Variants in PPP1R37 observed in about 807,000 individuals in gnomAD.
PPP1R37 encodes the protein protein phosphatase 1 regulatory subunit 37, also known as leucine rich repeat containing 68.
In PPP1R37, 21 loss-of-function variants were observed where a neutral mutation model predicts 61.0. The ratio of observed to expected loss-of-function variants is 0.34; its 90% CI spans 0.24 to 0.50. PPP1R37 has a LOEUF of 0.50. PPP1R37 is among the 20% of genes least tolerant of loss of function. The pLI is 0.98. For synonymous variants in PPP1R37, 443 were observed against 433.5 expected, an observed-to-expected ratio of 1.02 and a Z score of -0.27; for missense variants, 910 against 952.7, an observed-to-expected ratio of 0.96 and a Z score of 0.59.
At chr19:45,123,599 C>A (rs1968366983) in intron 1 of PPP1R37, among the ~76,000 whole-genome samples, 1 of 152,066 alleles carries the variant, frequency 6.6e-6, no homozygotes, top group African/African-American at 2.4e-5. Flanking sequence ...CCTCAGAAGA[C>A]CATTCCCTCT....
In PPP1R37 at chr19:45,121,022, G is replaced by GA. The variant is rs1309401782; in HGVS notation, c.203-17491dup. On this transcript the variant is annotated intron_variant, in intron 1 of 12. Transcript: ENST00000221462. This position sits in a 1 kb window ranked among gnomAD's most constrained non-coding sequence, Gnocchi z 4.2. ...TAAGCGTCCCCTGGAAAGTTGGGGAGATAATTTCTATTTCTCAGGGCCATT... is the reference window on the plus strand; with the variant it reads ...TAAGCGTCCCCTGGAAAGTTGGGGAGAATAATTTCTATTTCTCAGGGCCATT... Among the ~76,000 whole-genome samples, 5 of 152,180 alleles carry GA rather than the reference G, an allele frequency of 3.3e-5. No individual in the cohort carries two copies. The highest frequency in any genetic ancestry group is 1.2e-4 in the African/African-American group (5 of 41,440).
At chr19:45,131,042 CT>C (rs1968470274) in intron 1 of PPP1R37, among the ~76,000 whole-genome samples, 1 of 152,238 alleles carries the variant, frequency 6.6e-6, no homozygotes, top group Non-Finnish European at 1.5e-5. Context: ...TCACCGCCCC[CT>C]GATGCCCAAC....
intron 1 of PPP1R37, among the ~76,000 whole-genome samples, chr19:45,098,440 G>A (rs1255232190): frequency 6.6e-5 from 10 of 152,174 alleles, no homozygotes; most frequent in Non-Finnish European, 1.3e-4. Flanking sequence ...GCCACAGTCC[G>A]GGAGACTCAT....
At chr19:45,094,675 C>T (rs900305960) in intron 1 of PPP1R37, among the ~76,000 whole-genome samples, 7 of 151,176 alleles carry the variant, frequency 4.6e-5, no homozygotes, top group Non-Finnish European at 1.0e-4. Flanking sequence ...TTGCAGTGAG[C>T]TAAGATCACG....
At chr19:45,131,208 C>T (rs941360377) in intron 1 of PPP1R37, among the ~76,000 whole-genome samples, 1 of 152,226 alleles carries the variant, frequency 6.6e-6, no homozygotes, top group Non-Finnish European at 1.5e-5. Flanking sequence ...GTTTGCCCTT[C>T]ATCCTCTCCC....
chr19:45,102,218 C>T (rs1163976308), intron 1 of PPP1R37, among the ~76,000 whole-genome samples: 2 of 152,232 alleles, frequency 1.3e-5, no homozygotes, highest in African/African-American at 2.4e-5. Flanking sequence ...AGCGCAATAT[C>T]GGTGTCTGAT....
Position 45,138,606 on chromosome 19 carries a change from C to T in PPP1R37, c.295C>T (p.Leu99=), listed in dbSNP as rs765719576. 4 of 1,298,358 alleles carry T rather than the reference C, an allele frequency of 3.1e-6. No individual in the cohort carries two copies. The South Asian group carries it at 3.7e-5, about 12-fold the overall frequency. The allele number at this position is 1,298,358 out of a possible 1,614,324, so 80.4% of individuals were successfully genotyped here. The change falls in exon 2 of 13, where the codon CTG becomes TTG. Residue 99 remains leucine (L), a synonymous_variant. Transcript: ENST00000221462. ...CRQIPKLLRQ[L]QEFTDLGHRL... is the part of the protein sequence containing the mutation. ...GCAGATCCCCAAGCTCCTCAGGCAG[C>T]TGCAGGTATGGGCGGGACAGGGTGG...
chr19:45,133,569 G>A (rs1431403644), intron 1 of PPP1R37, among the ~76,000 whole-genome samples: 1 of 152,214 alleles, frequency 6.6e-6, no homozygotes, highest in Non-Finnish European at 1.5e-5. Context: ...CTGGCTCTGA[G>A]CTCCAGCCCA....
chr19:45,141,925 C>G (rs1287626766), intron 5 of PPP1R37, 136 bp from the exon 6 acceptor site: 1 of 987,738 alleles, frequency 1.0e-6, no homozygotes, highest in African/African-American at 1.7e-5. Context: ...AGCCAGACGA[C>G]AGCTGTGGCT....
intron 1 of PPP1R37, among the ~76,000 whole-genome samples, chr19:45,133,846 A>G (rs1474513996): frequency 6.6e-6 from 1 of 152,220 alleles, no homozygotes; most frequent in African/African-American, 2.4e-5. Context: ...GATGGGTCCA[A>G]GCTGGCCCTG....
chr19:45,137,051 C>CA (rs1290752968), intron 1 of PPP1R37: 1 of 152,244 alleles, frequency 6.6e-6, no homozygotes, highest in Non-Finnish European at 1.5e-5. Flanking sequence ...GGGCCCCCCC[C>CA]CCAAGAAGCT....
chr19:45,142,507 C>T (rs1449321976), intron 7 of PPP1R37, 49 bp downstream of exon 7: 2 of 1,506,270 alleles, frequency 1.3e-6, no homozygotes, highest in Admixed American at 4.0e-5. Context: ...AGCACCCACT[C>T]TGCCCGGCCC....
At chr19:45,116,565 C>T (rs946732789) in intron 1 of PPP1R37, among the ~76,000 whole-genome samples, 1 of 152,198 alleles carries the variant, frequency 6.6e-6, no homozygotes, top group South Asian at 2.1e-4. Flanking sequence ...AGGGAAGGAC[C>T]GGCCATCCCA....
intron 1 of PPP1R37, among the ~76,000 whole-genome samples, chr19:45,124,436 G>T (rs1968376615): frequency 6.6e-6 from 1 of 152,040 alleles, no homozygotes; most frequent in African/African-American, 2.4e-5. Context: ...AATGATCCTA[G>T]AAATTCTCCC....
At chr19:45,124,897 G>T (rs1338904698) in intron 1 of PPP1R37, among the ~76,000 whole-genome samples, 1 of 152,028 alleles carries the variant, frequency 6.6e-6, no homozygotes, top group African/African-American at 2.4e-5. Context: ...CTTGAGCCCA[G>T]GAGTGCAAGG....
At chr19:45,104,595 T>C (rs919893238) in intron 1 of PPP1R37, among the ~76,000 whole-genome samples, 4 of 152,066 alleles carry the variant, frequency 2.6e-5, no homozygotes, top group Non-Finnish European at 5.9e-5. Flanking sequence ...TCCTGCTCCC[T>C]CTCCAACCCG....
Position 45,118,736 on chromosome 19 carries a change from CAG to C in PPP1R37, c.203-19777_203-19776del, listed in dbSNP as rs532035919. Among the ~76,000 whole-genome samples, 493 of 152,294 alleles carry C rather than the reference CAG, an allele frequency of 3.2e-3. 4 individuals carry two copies. The highest frequency in any genetic ancestry group is 0.011 in the African/African-American group (448 of 41,574). On this transcript the variant is annotated intron_variant, in intron 1 of 12. Coordinates refer to ENST00000221462, the MANE Select transcript of PPP1R37 (RefSeq NM_019121.2). ...CCCTCCATCTGGCTGTCCTGTCCCT[CAG>C]GGGTGGGCATGAGGCCCAAGTTCCT... is the stretch of plus-strand genomic sequence containing the variant.
rs570509530 is a variant in PPP1R37, at chr19:45,127,594, A to G, written c.203-10920A>G. ...CATATGCAGTCCATCATTGACTGAA[A>G]TGGCTTTATGCGGCTTATGACTAGA... is the stretch of plus-strand genomic sequence containing the variant. On this transcript the variant is annotated intron_variant, in intron 1 of 12. Coordinates refer to ENST00000221462, the MANE Select transcript of PPP1R37 (RefSeq NM_019121.2). 1.1e-3 allele frequency among the ~76,000 whole-genome samples: 160 copies of G among 152,304 alleles called. 2 individuals carry two copies. Among genetic ancestry groups the G allele is most frequent in the African/African-American group, 3.8e-3 (158 of 41,566 alleles).
intron 5 of PPP1R37, 83 bp from the exon 6 acceptor site, chr19:45,141,978 G>A: frequency 3.7e-5 from 39 of 1,048,070 alleles, no homozygotes; most frequent in Non-Finnish European, 4.9e-5. Flanking sequence ...CTGGGGCCAG[G>A]GAGTGCTGGG....
Sources: allele counts gnomAD v4.1 joint callset (sites outside exome capture counted in the v4.1 genomes callset), GRCh38; gene constraint gnomAD v4.1.1; non-coding constraint Gnocchi (gnomAD v3.1); transcripts MANE v1.5; gene names NCBI Gene and HGNC (gene_info 2026-07-23, HGNC 2026-07-21).